Variants in CELF2 observed in about 807,000 individuals in gnomAD.
The protein encoded by CELF2 is CUGBP Elav-like family member 2, also known as CUG triplet repeat RNA-binding protein 2.
Under a neutral mutation model 62.6 loss-of-function variants are expected in CELF2, and 8 were observed. The observed-to-expected ratio is 0.13, with a 90% CI of 0.07 to 0.23. The LOEUF (loss-of-function observed/expected upper bound fraction) is 0.23, where lower values mean the gene tolerates loss of function less well. Ranked by LOEUF, CELF2 falls within the 10% of genes least tolerant of loss-of-function variation. The probability of loss-of-function intolerance (pLI) is 1.00; values close to 1 mark genes in which losing one functional copy is unlikely to be tolerated. For synonymous variants in CELF2, 258 were observed against 250.0 expected (o/e 1.03, Z -0.30); for missense variants, 333 against 671.0 (o/e 0.50, Z 5.56).
chr10:11,278,393 T>G (rs916561737), intron 8 of CELF2, among the ~76,000 whole-genome samples: 1 of 152,214 alleles, frequency 6.6e-6, no homozygotes, highest in African/African-American at 2.4e-5. Context: ...TTTTCCCTCT[T>G]AAAACTTCTA....
the CELF2 span, among the ~76,000 whole-genome samples, chr10:10,564,668 A>G: frequency 5.1e-5 from 5 of 98,590 alleles, no homozygotes; most frequent in South Asian, 3.5e-4. Context: ...ACACACACAC[A>G]CACACGCACA....
At chr10:10,690,457 A>G in the CELF2 span, among the ~76,000 whole-genome samples, 284 of 152,328 alleles carry the variant, frequency 1.9e-3, 2 homozygotes, top group South Asian at 0.016. Context: ...ACTGTATAAA[A>G]TACAGTGAGT....
rs1029115638 is a variant in CELF2 at position 11,005,943 on chromosome 10, A to C, written c.53+503A>C. ...TTTGGATCACTTTATCCTGTTTGCCAAAATGTGTACCCGTTTGGAGACCTC... is the reference window on the plus strand; with the variant it reads ...TTTGGATCACTTTATCCTGTTTGCCCAAATGTGTACCCGTTTGGAGACCTC... On this transcript the variant is annotated intron_variant, in intron 1 of 12. Transcript: ENST00000416382. This position sits in a 1 kb window ranked among gnomAD's most constrained non-coding sequence, Gnocchi z 4.3. Among the ~76,000 whole-genome samples the C allele has an allele frequency of 1.1e-4, 16 of 152,210 alleles. No homozygotes were observed. The highest frequency in any genetic ancestry group is 2.6e-4 in the Admixed American group (4 of 15,282).
At chr10:10,737,083 G>A in the CELF2 span, among the ~76,000 whole-genome samples, 1 of 152,230 alleles carries the variant, frequency 6.6e-6, no homozygotes, top group South Asian at 2.1e-4. Flanking sequence ...AGGAACCTTG[G>A]TACTTATATG....
At chr10:10,732,182 C>T in the CELF2 span, among the ~76,000 whole-genome samples, 8 of 152,222 alleles carry the variant, frequency 5.3e-5, no homozygotes, top group South Asian at 2.1e-4. Context: ...CTCTGGGGTC[C>T]GGCATGCACA....
intron 1 of CELF2, among the ~76,000 whole-genome samples, chr10:11,037,511 C>T (rs560068437): frequency 1.3e-5 from 2 of 152,202 alleles, no homozygotes; most frequent in Non-Finnish European, 1.5e-5. Flanking sequence ...TCCTCAGTCT[C>T]AGTAGCCTGG....
At chr10:10,529,808 A>G in the CELF2 span, among the ~76,000 whole-genome samples, 2 of 152,128 alleles carry the variant, frequency 1.3e-5, no homozygotes, top group Admixed American at 6.5e-5. Flanking sequence ...TAATTTTGGT[A>G]TAATAAGGAT....
intron 1 of CELF2, among the ~76,000 whole-genome samples, chr10:11,128,220 G>A (rs1174929203): frequency 6.6e-6 from 1 of 152,286 alleles, no homozygotes; most frequent in Non-Finnish European, 1.5e-5. Flanking sequence ...TGAGGGCTCT[G>A]TTCTGTTCCA....
chr10:10,511,522 G>A, the CELF2 span, among the ~76,000 whole-genome samples: 6 of 152,074 alleles, frequency 3.9e-5, no homozygotes, highest in Admixed American at 6.6e-5. Context: ...TGAATAAAGT[G>A]TAAAGGAAAA....
chr10:11,303,073 G>C (rs2093916267), intron 9 of CELF2, among the ~76,000 whole-genome samples: 1 of 152,172 alleles, frequency 6.6e-6, no homozygotes, highest in African/African-American at 2.4e-5. Flanking sequence ...GTGCCTCAGA[G>C]GTGGCCCAGC....
chr10:11,163,353 T>G (rs2066169554), intron 1 of CELF2, among the ~76,000 whole-genome samples: 1 of 152,166 alleles, frequency 6.6e-6, no homozygotes. Flanking sequence ...TAACCACAAG[T>G]CTTTCCTGTC....
At chr10:11,150,998 A>G (rs569081741) in intron 1 of CELF2, among the ~76,000 whole-genome samples, 1 of 152,344 alleles carries the variant, frequency 6.6e-6, no homozygotes, top group South Asian at 2.1e-4. Flanking sequence ...CCTTTCAAGA[A>G]TGTTGTGAGA....
At chr10:11,229,619 C>T (rs1365573934) in intron 3 of CELF2, among the ~76,000 whole-genome samples, 1 of 146,606 alleles carries the variant, frequency 6.8e-6, no homozygotes, top group Non-Finnish European at 1.5e-5. Flanking sequence ...TTTTTTGAGA[C>T]AGTCTCGCTC....
At chr10:10,598,281 G>T in the CELF2 span, among the ~76,000 whole-genome samples, 3 of 152,178 alleles carry the variant, frequency 2.0e-5, no homozygotes, top group Non-Finnish European at 2.9e-5. Flanking sequence ...ATTACATGGG[G>T]ACTCAGTTCC....
intron 1 of CELF2, among the ~76,000 whole-genome samples, chr10:10,851,199 C>G (rs1319506049): frequency 6.6e-6 from 1 of 152,200 alleles, no homozygotes; most frequent in Non-Finnish European, 1.5e-5. Flanking sequence ...ACTCTTACAT[C>G]TTTCTTTTTC....
At chr10:10,766,967 T>G in the CELF2 span, among the ~76,000 whole-genome samples, 1 of 152,128 alleles carries the variant, frequency 6.6e-6, no homozygotes, top group African/African-American at 2.4e-5. Flanking sequence ...CCATATATAT[T>G]CATATCTCAA....
At chr10:11,163,173 T>C (rs141953870) in intron 1 of CELF2, among the ~76,000 whole-genome samples, 105 of 152,376 alleles carry the variant, frequency 6.9e-4, no homozygotes, top group African/African-American at 2.3e-3. Flanking sequence ...CTGCTTGCTC[T>C]AGAATTCTGA....
At chr10:11,085,705 A>T (rs924803198) in intron 1 of CELF2, among the ~76,000 whole-genome samples, 5 of 152,090 alleles carry the variant, frequency 3.3e-5, no homozygotes, top group African/African-American at 1.2e-4. Context: ...CCAAGATGGG[A>T]TCCAGTTATT....
chr10:10,714,199 A>G, the CELF2 span, among the ~76,000 whole-genome samples: 1 of 150,440 alleles, frequency 6.6e-6, no homozygotes, highest in African/African-American at 2.4e-5. Context: ...AATTCCCTCA[A>G]GAAAAGCTTT....
Sources: allele counts gnomAD v4.1 joint callset (sites outside exome capture counted in the v4.1 genomes callset), GRCh38; gene constraint gnomAD v4.1.1; non-coding constraint Gnocchi (gnomAD v3.1); transcripts MANE v1.5; gene names NCBI Gene and HGNC (gene_info 2026-07-23, HGNC 2026-07-21).